ADGRL2: variants seen among roughly 807,000 people sequenced by gnomAD.
The protein encoded by ADGRL2 is calcium-independent alpha-latrotoxin receptor 2.
A neutral mutation model predicts 157.4 loss-of-function variants in ADGRL2; 44 were observed. That is an observed-to-expected ratio of 0.28 (90% CI 0.22 to 0.36). ADGRL2 has a LOEUF of 0.36. Ranked by LOEUF, ADGRL2 falls within the 10% of genes least tolerant of loss-of-function variation. The pLI is 1.00. For missense variants in ADGRL2, 1,510 were observed against 1,768.9 expected (o/e 0.85, Z 2.63); for synonymous variants, 585 against 624.7 (o/e 0.94, Z 0.95).
At chr1:81,979,814 A>G (rs1332698642) in intron 17 of ADGRL2, 55 bp from the exon 18 acceptor site, 18 of 996,378 alleles carry the variant, frequency 1.8e-5, no homozygotes, top group Non-Finnish European at 2.7e-5. Flanking sequence ...TGCAAGAACT[A>G]TTCATTTTTC....
At chr1:81,580,993 T>C (rs1475549481) in intron 3 of ADGRL2, 1 of 152,214 alleles carries the variant, frequency 6.6e-6, no homozygotes, top group Non-Finnish European at 1.5e-5. Context: ...GAGTGAACAT[T>C]CCTTCCAAAC....
intron 20 of ADGRL2, among the ~76,000 whole-genome samples, 198 bp downstream of exon 20, chr1:81,984,909 G>A (rs1463459215): frequency 6.6e-6 from 1 of 151,894 alleles, no homozygotes; most frequent in African/African-American, 2.4e-5. Context: ...CCTTTTTTGT[G>A]GAGAGTTATT....
rs371032503 is a variant in ADGRL2, at chr1:81,768,918, TA to T, written c.-101+7075del. 3.2e-3 allele frequency among the ~76,000 whole-genome samples: 481 copies of T among 150,938 alleles called. 2 individuals are homozygous for T. Among genetic ancestry groups the T allele is most frequent in the African/African-American group, 0.011 (461 of 41,192 alleles). On this transcript the variant is annotated intron_variant, in intron 2 of 20. Transcript: ENST00000359929. ...CAACACGGTGAAACCCCGTCTCTAC[TA>T]AAAAAAAATACAAAAATTAGCCGGG...
chr1:81,615,335 C>G (rs577106863), intron 3 of ADGRL2, among the ~76,000 whole-genome samples: 1 of 152,230 alleles, frequency 6.6e-6, no homozygotes, highest in Admixed American at 6.5e-5. Flanking sequence ...GAGCCAGCAG[C>G]GGCAACCCAC....
rs71666308 is a variant in ADGRL2 at position 81,555,265 on chromosome 1, C to CTTTT, written c.-247-25595_-247-25592dup. Among the ~76,000 whole-genome samples the CTTTT allele has an allele frequency of 3.5e-5, 4 of 115,934 alleles. 1 individual carries two copies. The highest frequency in any genetic ancestry group is 7.1e-5 in the Non-Finnish European group (4 of 56,638). 76.1% of individuals were successfully genotyped at this position (115,934 alleles called of 152,430 possible). On this transcript the variant is annotated intron_variant, in intron 2 of 24. Transcript: ENST00000370721. ...AATAATGCTGGTCTCTATTTCTTTTCTTTTTTTTTTTTTTTTTTTGAGATG... is the reference window on the plus strand; with the variant it reads ...AATAATGCTGGTCTCTATTTCTTTTCTTTTTTTTTTTTTTTTTTTTTTTGAGATG...
chr1:81,432,472 A>AT (rs918749969), intron 1 of ADGRL2, among the ~76,000 whole-genome samples: 1 of 152,180 alleles, frequency 6.6e-6, no homozygotes, highest in African/African-American at 2.4e-5. Context: ...AATTATGTTG[A>AT]TTTTTTTATG....
At chr1:81,425,832 A>C (rs1035254601) in intron 1 of ADGRL2, among the ~76,000 whole-genome samples, 1 of 151,846 alleles carries the variant, frequency 6.6e-6, no homozygotes, top group African/African-American at 2.4e-5. Context: ...ACCATATAAC[A>C]AAAGACAGCT....
At chr1:81,612,830 A>G (rs1239623956) in intron 3 of ADGRL2, among the ~76,000 whole-genome samples, 2 of 152,228 alleles carry the variant, frequency 1.3e-5, no homozygotes, top group African/African-American at 4.8e-5. Flanking sequence ...GATGCTACTC[A>G]TCAGACAAAT....
Position 81,990,009 on chromosome 1 carries a change from A to G in ADGRL2, c.3656-382A>G, listed in dbSNP as rs1664261265. Reference sequence around the variant, plus strand: ...TCTGTTAATTTTATTTTTATAAACCATAGTCTTGTACTTTAAAATGTAAAT... The same window carrying G: ...TCTGTTAATTTTATTTTTATAAACCGTAGTCTTGTACTTTAAAATGTAAAT... On this transcript the variant is annotated intron_variant, in intron 23 of 23. Transcript: ENST00000686636. The G allele has an allele frequency of 3.0e-6, 3 of 984,542 alleles. No individual in the cohort carries two copies. In the South Asian group the frequency reaches 1.4e-4, roughly 46 times the overall value. The allele number at this position is 984,542 out of a possible 1,614,324, so 61.0% of individuals were successfully genotyped here.
intron 2 of ADGRL2, among the ~76,000 whole-genome samples, chr1:81,559,634 T>C (rs1382830216): frequency 6.6e-6 from 1 of 152,192 alleles, no homozygotes; most frequent in East Asian, 1.9e-4. Context: ...CTGAGTTATC[T>C]AAGTTTATGT....
chr1:81,905,874 G>A (rs1003759906), intron 2 of ADGRL2, among the ~76,000 whole-genome samples: 4 of 151,444 alleles, frequency 2.6e-5, no homozygotes, highest in African/African-American at 9.7e-5. Context: ...AAATAAATAT[G>A]GTACTACTAG....
At chr1:81,822,996 A>T (rs538112555) in intron 1 of ADGRL2, among the ~76,000 whole-genome samples, 1 of 152,224 alleles carries the variant, frequency 6.6e-6, no homozygotes, top group South Asian at 2.1e-4. Context: ...CTTCCAGAAG[A>T]AGTAGTCATT....
chr1:81,939,929 TCTTTA>T (rs1360138815), intron 4 of ADGRL2, among the ~76,000 whole-genome samples: 1 of 151,258 alleles, frequency 6.6e-6, no homozygotes, highest in Non-Finnish European at 1.5e-5. Context: ...ATATTTTAAA[TCTTTA>T]CTTTTGAGTG....
intron 1 of ADGRL2, chr1:81,427,174 AGGT>A: frequency 1.0e-6 from 1 of 953,432 alleles, no homozygotes; most frequent in Non-Finnish European, 1.7e-6. Flanking sequence ...GAAACTTTCG[AGGT>A]GGTGGAGGTA....
intron 1 of ADGRL2, among the ~76,000 whole-genome samples, chr1:81,715,176 TAA>T (rs201402158): frequency 4.9e-5 from 2 of 40,886 alleles, no homozygotes; most frequent in Non-Finnish European, 6.0e-5. Flanking sequence ...GCTAATTTAG[TAA>T]ATTTTTTTTT....
At chr1:81,507,667 C>T (rs1024349770) in intron 2 of ADGRL2, among the ~76,000 whole-genome samples, 4 of 152,124 alleles carry the variant, frequency 2.6e-5, no homozygotes, top group East Asian at 3.9e-4. Flanking sequence ...TTGAGGGGAA[C>T]GATGATAGGG....
upstream of ADGRL2, among the ~76,000 whole-genome samples, chr1:81,697,068 A>G (rs1167622019): frequency 6.6e-6 from 1 of 152,230 alleles, no homozygotes; most frequent in Non-Finnish European, 1.5e-5. Context: ...TTCCTAGAAG[A>G]TAAGTTAGAG....
chr1:81,405,610 A>G (rs1032886007), intron 1 of ADGRL2, among the ~76,000 whole-genome samples: 3 of 145,190 alleles, frequency 2.1e-5, no homozygotes, highest in African/African-American at 7.7e-5. Context: ...TGATTATACC[A>G]CCGCACTCCA....
intron 1 of ADGRL2, among the ~76,000 whole-genome samples, chr1:81,336,802 A>C (rs1264803825): frequency 6.6e-6 from 1 of 152,198 alleles, no homozygotes; most frequent in Non-Finnish European, 1.5e-5. Flanking sequence ...CAAGTGGCCC[A>C]AAGTGAGAAC....
Sources: gnomAD v4.1 joint callset for allele counts (sites outside exome capture counted in the v4.1 genomes callset) on GRCh38, gnomAD v4.1.1 for gene constraint, MANE v1.5 for transcripts, NCBI Gene and HGNC (gene_info 2026-07-23, HGNC 2026-07-21) for gene names.